C21orf91: variants seen among roughly 807,000 people sequenced by gnomAD.
C21orf91 encodes the protein chromosome 21 open reading frame 91.
C21orf91 carries 26 observed loss-of-function variants against 32.9 expected under a neutral mutation model. The observed-to-expected ratio is 0.79, with a 90% CI of 0.58 to 1.10. C21orf91 has a LOEUF of 1.10. C21orf91 is among the 50% of genes least tolerant of loss of function. The pLI is 0.00. For synonymous variants in C21orf91, 126 were observed against 120.4 expected (o/e 1.05, Z -0.31); for missense variants, 310 against 341.3 (o/e 0.91, Z 0.72).
At chr21:17,818,534 T>C (rs768335042) in intron 1 of C21orf91, among the ~76,000 whole-genome samples, 4 of 152,232 alleles carry the variant, frequency 2.6e-5, no homozygotes, top group Non-Finnish European at 5.9e-5. Flanking sequence ...AGCCAGGCCA[T>C]AGGTGACACT....
intron 2 of C21orf91, among the ~76,000 whole-genome samples, chr21:17,807,918 A>G (rs761206475): frequency 1.3e-5 from 2 of 152,206 alleles, no homozygotes; most frequent in African/African-American, 2.4e-5. Flanking sequence ...TGGAACTTAT[A>G]TTTAAAAGGG....
intron 3 of C21orf91, among the ~76,000 whole-genome samples, chr21:17,795,509 T>G (rs879045385): frequency 6.6e-6 from 1 of 152,176 alleles, no homozygotes; most frequent in Non-Finnish European, 1.5e-5. Flanking sequence ...GGGTCTCACT[T>G]TGTCACCCAG....
chr21:17,795,885 GT>G (rs1454967978), intron 3 of C21orf91, among the ~76,000 whole-genome samples: 1 of 152,158 alleles, frequency 6.6e-6, no homozygotes, highest in Non-Finnish European at 1.5e-5. Flanking sequence ...TTCGGTTTCA[GT>G]TTTTAAAAAG....
intron 3 of C21orf91, among the ~76,000 whole-genome samples, chr21:17,796,343 T>C (rs2062517759): frequency 6.6e-6 from 1 of 152,236 alleles, no homozygotes; most frequent in Non-Finnish European, 1.5e-5. Flanking sequence ...TTCCATTTAG[T>C]GTAATCATTT....
At position 17,792,653 on chromosome 21, in the gene C21orf91, T is replaced by C. The variant is rs559439715; in HGVS notation, c.*762A>G. 6.6e-6 allele frequency: 1 copy of C among 152,180 alleles called. No individual in the cohort carries two copies. Among genetic ancestry groups the C allele is most frequent in the Non-Finnish European group, 1.5e-5 (1 of 67,988 alleles). 9.4% of individuals were successfully genotyped at this position (152,180 alleles called of 1,614,324 possible). ...AGGCTTTCATTTCTATGGAGACAAA[T>C]TGACATAGAAGCCAGATTAGTCTTT... On this transcript the variant is annotated 3_prime_UTR_variant, in exon 5 of 5. Coordinates refer to ENST00000284881, the MANE Select transcript of C21orf91 (RefSeq NM_001100420.2).
chr21:17,791,940 A>G lies in C21orf91; in HGVS notation c.*1475T>C, dbSNP rs1351864740. ...AAAAAGTTGTTTTCAATTAAACTGA[A>G]GTGTTTCTTTGCTTAAATACTTTCT... On this transcript the variant is annotated 3_prime_UTR_variant, in exon 5 of 5. Transcript: ENST00000284881. 1 of 152,180 alleles carries G rather than the reference A, an allele frequency of 6.6e-6. No homozygotes were observed. The highest frequency in any genetic ancestry group is 1.5e-5 in the Non-Finnish European group (1 of 67,998). The allele number at this position is 152,180 out of a possible 1,614,324, so 9.4% of individuals were successfully genotyped here.
intron 2 of C21orf91, among the ~76,000 whole-genome samples, chr21:17,815,665 T>C (rs1030997535): frequency 1.4e-5 from 2 of 145,484 alleles, no homozygotes; most frequent in Non-Finnish European, 3.0e-5. Flanking sequence ...TCTAAAATAA[T>C]TTTTTTTTTT....
intron 2 of C21orf91, among the ~76,000 whole-genome samples, chr21:17,814,832 T>A (rs985481928): frequency 3.0e-4 from 45 of 152,138 alleles, no homozygotes; most frequent in African/African-American, 1.0e-3. Context: ...AACATGAGAT[T>A]TAGGTGGGGA....
At chr21:17,816,516 C>CAGT (rs2062665703) in intron 2 of C21orf91, among the ~76,000 whole-genome samples, 1 of 152,196 alleles carries the variant, frequency 6.6e-6, no homozygotes, top group South Asian at 2.1e-4. Context: ...TAACTATTGA[C>CAGT]AGTAGATCAA....
chr21:17,790,465 CTATA>C lies in C21orf91; in HGVS notation c.*2946_*2949del, dbSNP rs996266155. The C allele has an allele frequency of 1.3e-5, 2 of 152,006 alleles. No homozygotes were observed. The highest frequency in any genetic ancestry group is 2.9e-5 in the Non-Finnish European group (2 of 67,920). The allele number at this position is 152,006 out of a possible 1,614,324, so 9.4% of individuals were successfully genotyped here. On this transcript the variant is annotated 3_prime_UTR_variant, in exon 5 of 5. Coordinates refer to ENST00000284881, the MANE Select transcript of C21orf91 (RefSeq NM_001100420.2). ...AAGATGCCTGTCAAGATATATTTGACTATATATTTTGACTATATTTCTGAAATCA... is the reference window on the plus strand; with the variant it reads ...AAGATGCCTGTCAAGATATATTTGACTATTTTGACTATATTTCTGAAATCA...
Position 17,794,314 on chromosome 21 carries a change from C to G in C21orf91, c.728-733G>C, listed in dbSNP as rs111240557. Among the ~76,000 whole-genome samples the G allele has an allele frequency of 2.5e-3, 376 of 152,212 alleles. 10 individuals are homozygous for G. In the East Asian group the frequency reaches 0.068, roughly 28 times the overall value. ...AAATAAATTGAAAAGGAGACAACTG[C>G]GGAATCTGAACATTACTTGTTAGTG... On this transcript the variant is annotated intron_variant, in intron 4 of 4. Transcript: ENST00000284881.
chr21:17,794,250 A>ACTT (rs1479025530), intron 4 of C21orf91, among the ~76,000 whole-genome samples: 2 of 152,198 alleles, frequency 1.3e-5, no homozygotes, highest in African/African-American at 4.8e-5. Context: ...TCTGTAAGCA[A>ACTT]CTTAACATCT....
intron 2 of C21orf91, among the ~76,000 whole-genome samples, chr21:17,803,095 G>A (rs1180385387): frequency 1.3e-5 from 2 of 152,140 alleles, no homozygotes; most frequent in Admixed American, 6.5e-5. Context: ...GGGCTTATGT[G>A]TTCTTTCTTG....
At chr21:17,808,500 T>A (rs2062612868) in intron 2 of C21orf91, among the ~76,000 whole-genome samples, 1 of 152,190 alleles carries the variant, frequency 6.6e-6, no homozygotes, top group Non-Finnish European at 1.5e-5. Flanking sequence ...CTAGTGGAGC[T>A]GTGGGAAGAG....
intron 2 of C21orf91, among the ~76,000 whole-genome samples, chr21:17,799,310 A>T (rs1568750817): frequency 2.0e-5 from 3 of 151,960 alleles, no homozygotes. Flanking sequence ...AATGATTCAT[A>T]TAATATAATT....
At chr21:17,808,736 T>A (rs937353863) in intron 2 of C21orf91, among the ~76,000 whole-genome samples, 1 of 152,180 alleles carries the variant, frequency 6.6e-6, no homozygotes, top group Non-Finnish European at 1.5e-5. Flanking sequence ...ATGAATTAAG[T>A]CTATGAGGGA....
chr21:17,811,462 T>C (rs921781679), intron 2 of C21orf91: 4 of 152,216 alleles, frequency 2.6e-5, no homozygotes, highest in African/African-American at 9.6e-5. Context: ...AATCTATCTT[T>C]GTCTTCTTTC....
At chr21:17,799,669 A>C (rs759071647) in intron 2 of C21orf91, among the ~76,000 whole-genome samples, 1 of 151,832 alleles carries the variant, frequency 6.6e-6, no homozygotes, top group Non-Finnish European at 1.5e-5. Context: ...GTCTAACCCA[A>C]ATGTCTGGGT....
chr21:17,794,500 T>C (rs1362586310), intron 4 of C21orf91, among the ~76,000 whole-genome samples: 1 of 152,208 alleles, frequency 6.6e-6, no homozygotes, highest in Non-Finnish European at 1.5e-5. Context: ...AAATAATCCA[T>C]GCTACTGGTA....
Sources: gnomAD v4.1 joint callset for allele counts (sites outside exome capture counted in the v4.1 genomes callset) on GRCh38, gnomAD v4.1.1 for gene constraint, MANE v1.5 for transcripts, NCBI Gene and HGNC (gene_info 2026-07-23, HGNC 2026-07-21) for gene names.